The following MGST2 variants were observed in gnomAD, a reference collection of about 807,000 sequenced individuals.
MGST2 encodes glutathione peroxidase MGST2.
Under a neutral mutation model 16.6 loss-of-function variants are expected in MGST2, and 9 were observed. The ratio of observed to expected loss-of-function variants is 0.54; its 90% CI spans 0.33 to 0.95. The LOEUF (loss-of-function observed/expected upper bound fraction) is 0.95, where lower values mean the gene tolerates loss of function less well. Ranked by LOEUF, MGST2 falls within the 40% of genes least tolerant of loss-of-function variation. MGST2 has a pLI of 0.03. For synonymous variants in MGST2, 79 were observed against 68.0 expected (o/e 1.16, Z -0.79); for missense variants, 159 against 175.1 (o/e 0.91, Z 0.52).
intron 5 of MGST2, among the ~76,000 whole-genome samples, chr4:139,731,769 C>T (rs1467916907): frequency 6.6e-6 from 1 of 152,146 alleles, no homozygotes; most frequent in Non-Finnish European, 1.5e-5. Flanking sequence ...GTGGTAAAGA[C>T]CTAATTCCAC....
chr4:139,678,922 G>C (rs915991362), intron 2 of MGST2: 12 of 515,094 alleles, frequency 2.3e-5, no homozygotes, highest in African/African-American at 2.1e-4. Flanking sequence ...GAGGGTCACT[G>C]GGTCAAAGAG....
downstream of MGST2, among the ~76,000 whole-genome samples, chr4:139,742,133 ACTTTT>A (rs202191651): frequency 5.6e-4 from 81 of 145,558 alleles, 3 homozygotes; most frequent in Non-Finnish European, 7.8e-4. Flanking sequence ...CAGATCTTAA[ACTTTT>A]CTTTTCTTTT....
At chr4:139,747,391 T>G in the MGST2 span, among the ~76,000 whole-genome samples, 40 of 152,200 alleles carry the variant, frequency 2.6e-4, no homozygotes, top group African/African-American at 9.2e-4. Flanking sequence ...GGGGAAGAAC[T>G]TTAAAAATGT....
At chr4:139,725,854 A>G (rs1728451129) in intron 5 of MGST2, 1 of 1,600,548 alleles carries the variant, frequency 6.2e-7, no homozygotes, top group South Asian at 1.1e-5. Flanking sequence ...ACAGAACACA[A>G]GAGGGGTGGA....
intron 1 of MGST2, among the ~76,000 whole-genome samples, chr4:139,671,346 G>A (rs1730682673): frequency 6.6e-6 from 1 of 152,208 alleles, no homozygotes; most frequent in South Asian, 2.1e-4. Context: ...AAAGAGGAAA[G>A]ACAGGCAAAG....
rs8192111 is a variant in MGST2, at chr4:139,703,527, C to T, written c.302C>T (p.Ala101Val). The change falls in exon 4 of 5, where the codon GCT (alanine) becomes GTT (valine). Residue 101 changes from alanine (A) to valine (V), a missense_variant. Coordinates refer to ENST00000265498, the MANE Select transcript of MGST2 (RefSeq NM_002413.5). ...HLYFWGYSEA[A>V]KKRITGFRLS... ...TACTTCTGGGGATATTCAGAAGCTG[C>T]TAAAAAACGGTAAGGAGAACCCAGT... The T allele has an allele frequency of 1.0e-3, 1,681 of 1,613,686 alleles. 12 individuals are homozygous for T. In the African/African-American group the frequency reaches 0.019, roughly 19 times the overall value.
At chr4:139,700,855 TA>T (rs1166935359) in intron 3 of MGST2, among the ~76,000 whole-genome samples, 6 of 152,224 alleles carry the variant, frequency 3.9e-5, no homozygotes, top group Non-Finnish European at 8.8e-5. Flanking sequence ...CTTTTTCTGG[TA>T]ACTTTCACTG....
chr4:139,692,129 G>T (rs1726645480), intron 2 of MGST2, among the ~76,000 whole-genome samples: 3 of 152,224 alleles, frequency 2.0e-5, no homozygotes, highest in Admixed American at 2.0e-4. Flanking sequence ...TGGGACGTGA[G>T]GTTGGGGTGA....
intron 5 of MGST2, among the ~76,000 whole-genome samples, chr4:139,734,935 G>A (rs999419589): frequency 3.9e-5 from 6 of 152,256 alleles, no homozygotes; most frequent in Non-Finnish European, 8.8e-5. Flanking sequence ...GTCCCTCGCC[G>A]GGGCAACGCA....
At chr4:139,671,386 A>C (rs992908216) in intron 1 of MGST2, among the ~76,000 whole-genome samples, 1 of 152,222 alleles carries the variant, frequency 6.6e-6, no homozygotes, top group Non-Finnish European at 1.5e-5. Flanking sequence ...AGAGGTTTTA[A>C]TCAACTCATA....
At chr4:139,693,321 C>T (rs563103583) in intron 2 of MGST2, among the ~76,000 whole-genome samples, 8 of 147,506 alleles carry the variant, frequency 5.4e-5, no homozygotes, top group East Asian at 4.1e-4. Context: ...AGGAGAATGG[C>T]GTGAACCCAG....
At chr4:139,734,166 A>G (rs1368701843) in intron 5 of MGST2, among the ~76,000 whole-genome samples, 2 of 152,226 alleles carry the variant, frequency 1.3e-5, no homozygotes, top group Non-Finnish European at 2.9e-5. Flanking sequence ...GGCCGAGGCC[A>G]CTAACATAAT....
downstream of MGST2, among the ~76,000 whole-genome samples, chr4:139,706,183 G>A (rs1460605730): frequency 6.6e-6 from 1 of 152,068 alleles, no homozygotes; most frequent in African/African-American, 2.4e-5. Context: ...ATACCCCAAA[G>A]CACACTGAGA....
chr4:139,730,968 G>A (rs907637814), intron 5 of MGST2: 1 of 388,092 alleles, frequency 2.6e-6, no homozygotes, highest in Non-Finnish European at 4.7e-6. Flanking sequence ...CTAACATCCT[G>A]TGTTCCTCCA....
chr4:139,731,039 T>G, intron 5 of MGST2: 1 of 226,506 alleles, frequency 4.4e-6, no homozygotes, highest in South Asian at 1.2e-4. Flanking sequence ...AGACACATCC[T>G]GACCTCACCT....
intron 2 of MGST2, among the ~76,000 whole-genome samples, chr4:139,692,334 C>G (rs1294956582): frequency 2.6e-5 from 4 of 152,210 alleles, no homozygotes; most frequent in African/African-American, 9.7e-5. Context: ...ATCCCAGCAC[C>G]CCGGTTCCCC....
At chr4:139,706,596 G>T (rs1404438704), downstream of MGST2, among the ~76,000 whole-genome samples, 2 of 152,286 alleles carry the variant, frequency 1.3e-5, no homozygotes, top group African/African-American at 4.8e-5. Context: ...AAGTTGAAAA[G>T]AAACTTTCCA....
At chr4:139,743,717 GA>G (rs1448990405), downstream of MGST2, among the ~76,000 whole-genome samples, 1 of 152,136 alleles carries the variant, frequency 6.6e-6, no homozygotes, top group Non-Finnish European at 1.5e-5. Flanking sequence ...GTTCTCAGGG[GA>G]TAATTTGTAC....
chr4:139,669,566 C>A (rs572311250), intron 1 of MGST2, among the ~76,000 whole-genome samples: 4 of 151,438 alleles, frequency 2.6e-5, no homozygotes, highest in African/African-American at 9.8e-5. Flanking sequence ...CAGTTCCCAT[C>A]CTAAGGTCCT....
Sources: allele counts gnomAD v4.1 joint callset (sites outside exome capture counted in the v4.1 genomes callset), GRCh38; gene constraint gnomAD v4.1.1; transcripts MANE v1.5; gene names NCBI Gene and HGNC (gene_info 2026-07-23, HGNC 2026-07-21).